Variants in CFAP54 observed in about 807,000 individuals in gnomAD.
The protein encoded by CFAP54 is cilia and flagella associated protein 54.
A neutral mutation model predicts 370.4 loss-of-function variants in CFAP54; 290 were observed. That is an observed-to-expected ratio of 0.78 (90% confidence interval 0.71 to 0.86). CFAP54 has a LOEUF of 0.86. Among genes scored for constraint, CFAP54 ranks in the 40% least tolerant of loss-of-function variants. The pLI, the probability that CFAP54 is intolerant of heterozygous loss-of-function variation, is 0.00. For missense variants in CFAP54, 3,399 were observed against 3,528.7 expected (o/e 0.96, Z 0.93); for synonymous variants, 1,206 against 1,236.5 (o/e 0.98, Z 0.52).
At chr12:96,808,549 A>C (rs553072164) in intron 63 of CFAP54, among the ~76,000 whole-genome samples, 4 of 152,288 alleles carry the variant, frequency 2.6e-5, no homozygotes, top group African/African-American at 9.6e-5. Context: ...GTCACATAGG[A>C]CACAGTTCAT....
chr12:96,562,330 C>T (rs1334712209), intron 17 of CFAP54, among the ~76,000 whole-genome samples: 1 of 151,724 alleles, frequency 6.6e-6, no homozygotes, highest in Admixed American at 6.6e-5. Flanking sequence ...TAGAAAATGT[C>T]ATACATCAGA....
At chr12:96,644,558 T>A (rs1231641253) in intron 33 of CFAP54, 150 bp downstream of exon 33, 2 of 580,984 alleles carry the variant, frequency 3.4e-6, no homozygotes, top group Non-Finnish European at 6.0e-6. Context: ...GTTCTCACAC[T>A]GCTATAAAGA....
At chr12:96,586,470 A>G (rs1013925538) in intron 22 of CFAP54, among the ~76,000 whole-genome samples, 1 of 152,210 alleles carries the variant, frequency 6.6e-6, no homozygotes, top group Non-Finnish European at 1.5e-5. Context: ...GTAGATTACA[A>G]TATTAAATAG....
chr12:96,729,510 C>T (rs1384227016), intron 50 of CFAP54, among the ~76,000 whole-genome samples: 2 of 152,214 alleles, frequency 1.3e-5, no homozygotes, highest in Admixed American at 1.3e-4. Context: ...ATATAATTCT[C>T]CTGGTGCGCT....
At chr12:96,730,818 TATA>T (rs1220220452) in intron 50 of CFAP54, among the ~76,000 whole-genome samples, 1 of 152,200 alleles carries the variant, frequency 6.6e-6, no homozygotes, top group Non-Finnish European at 1.5e-5. Flanking sequence ...ATCTCATCAG[TATA>T]AGCCTACAAG....
chr12:96,619,994 T>C (rs1010832437), intron 26 of CFAP54, among the ~76,000 whole-genome samples: 2 of 152,186 alleles, frequency 1.3e-5, no homozygotes, highest in Admixed American at 6.5e-5. Context: ...CTACAAAATA[T>C]AAAATAAGTA....
chr12:96,521,503 CGTGTGT>C (rs10554608), intron 6 of CFAP54, among the ~76,000 whole-genome samples: 2,081 of 129,640 alleles, frequency 0.016, 35 homozygotes, highest in Admixed American at 0.058. Flanking sequence ...CAACTGAGGA[CGTGTGT>C]GTGTGTGTGT....
intron 67 of CFAP54, among the ~76,000 whole-genome samples, chr12:96,865,051 C>T (rs529651659): frequency 3.3e-5 from 5 of 152,202 alleles, no homozygotes; most frequent in Non-Finnish European, 4.4e-5. Flanking sequence ...CACTGCTTAA[C>T]TACTCTTTGC....
At chr12:96,617,718 G>A (rs534189708) in intron 26 of CFAP54, among the ~76,000 whole-genome samples, 39 of 152,150 alleles carry the variant, frequency 2.6e-4, no homozygotes, top group African/African-American at 4.1e-4. Context: ...CGGGCGGGGC[G>A]TGGTGGCTCA....
intron 67 of CFAP54, among the ~76,000 whole-genome samples, chr12:96,870,739 C>CT (rs994856516): frequency 7.2e-5 from 11 of 152,154 alleles, no homozygotes; most frequent in Non-Finnish European, 1.2e-4. Flanking sequence ...AGCAGAGTGG[C>CT]TTTTATTGAA....
At chr12:96,516,364 A>T (rs1428539960) in intron 5 of CFAP54, among the ~76,000 whole-genome samples, 1 of 139,946 alleles carries the variant, frequency 7.1e-6, no homozygotes, top group Admixed American at 7.0e-5. Context: ...ACTAAATAGA[A>T]TCCCGTCATG....
intron 55 of CFAP54, among the ~76,000 whole-genome samples, chr12:96,750,194 T>A (rs1958166644): frequency 6.6e-6 from 1 of 152,196 alleles, no homozygotes. Context: ...CCTGCCCTGG[T>A]TCCCAGGCTC....
At chr12:96,502,056 A>G (rs1162125367) in intron 2 of CFAP54, among the ~76,000 whole-genome samples, 2 of 152,156 alleles carry the variant, frequency 1.3e-5, no homozygotes, top group Non-Finnish European at 2.9e-5. Context: ...TAAAAAGCAC[A>G]GTGTAGGGTT....
At chr12:96,749,806 ATTC>A (rs2136651797) in intron 55 of CFAP54, among the ~76,000 whole-genome samples, 1 of 152,140 alleles carries the variant, frequency 6.6e-6, no homozygotes, top group African/African-American at 2.4e-5. Flanking sequence ...GGTTATATTT[ATTC>A]TTCCTCTTGT....
Position 96,554,181 on chromosome 12 carries a change from G to T in CFAP54, c.2155-1G>T, listed in dbSNP as rs1377037848. 4.1e-6 allele frequency: 6 copies of T among 1,471,704 alleles called. No homozygotes were observed. The highest frequency in any genetic ancestry group is 5.4e-6 in the Non-Finnish European group (6 of 1,117,328). 91.2% of individuals were successfully genotyped at this position (1,471,704 alleles called of 1,614,324 possible). On this transcript the variant is annotated splice_acceptor_variant, in intron 15 of 67. Transcript: ENST00000524981. LOFTEE classifies it high-confidence loss of function. ...CTTTTTTGTTTATAAAATTATTTTA[G>T]AAAAATCCTGTGGAACAGTTACTTT...
chr12:96,622,339 CCTCTCTCTCT>C (rs371334823), intron 27 of CFAP54, among the ~76,000 whole-genome samples: 1 of 137,330 alleles, frequency 7.3e-6, no homozygotes, highest in East Asian at 2.2e-4. Context: ...GCCCTCCCTC[CCTCTCTCTCT>C]CTCTCTCTCT....
At chr12:96,589,965 T>C (rs1956109677) in intron 23 of CFAP54, among the ~76,000 whole-genome samples, 1 of 152,162 alleles carries the variant, frequency 6.6e-6, no homozygotes, top group African/African-American at 2.4e-5. Context: ...CAGACTGGTC[T>C]CGAACTCCTG....
At chr12:96,789,685 G>T (rs955927735) in intron 62 of CFAP54, among the ~76,000 whole-genome samples, 1 of 152,174 alleles carries the variant, frequency 6.6e-6, no homozygotes, top group African/African-American at 2.4e-5. Flanking sequence ...GCTTGAATAC[G>T]TTGTAAATAC....
In CFAP54 at chr12:96,641,939, G is replaced by A. The variant is rs1037833324; in HGVS notation, c.4317-2239G>A. 4.9e-5 allele frequency among the ~76,000 whole-genome samples: 7 copies of A among 143,786 alleles called. No individual in the cohort carries two copies. The South Asian group carries it at 1.7e-3, about 35-fold the overall frequency. 94.3% of individuals were successfully genotyped at this position (143,786 alleles called of 152,430 possible). On this transcript the variant is annotated intron_variant, in intron 32 of 67. Coordinates refer to ENST00000524981, the MANE Select transcript of CFAP54 (RefSeq NM_001306084.2). ...ACCGGGGCCTGTTGTGGGGTGGTGC[G>A]GGGGGGGAGGGATAGCATTAGGAGA... is the stretch of plus-strand genomic sequence containing the variant.
Sources: gnomAD v4.1 joint callset for allele counts (sites outside exome capture counted in the v4.1 genomes callset) on GRCh38, gnomAD v4.1.1 for gene constraint, MANE v1.5 for transcripts, NCBI Gene and HGNC (gene_info 2026-07-23, HGNC 2026-07-21) for gene names.